The following FGL1 variants were observed in gnomAD, a reference collection of about 807,000 sequenced individuals.
FGL1 encodes the protein fibrinogen-like protein 1.
In FGL1, 59 loss-of-function variants were observed where a neutral mutation model predicts 43.7. The ratio of observed to expected loss-of-function variants is 1.35; its 90% confidence interval spans 1.10 to 1.68. FGL1 has a LOEUF of 1.68. FGL1 is among the 40% of genes most tolerant of loss of function. FGL1 has a pLI of 0.00. For missense variants in FGL1, 596 were observed against 373.0 expected (o/e 1.60, Z -4.92); for synonymous variants, 192 against 126.5 (o/e 1.52, Z -3.48).
Position 17,868,742 on chromosome 8 carries a change from A to T in FGL1, c.592-7T>A, listed in dbSNP as rs1482402073. 1.2e-6 allele frequency: 2 copies of T among 1,605,848 alleles called. No individual in the cohort carries two copies. The highest frequency in any genetic ancestry group is 1.3e-5 in the African/African-American group (1 of 74,680). On this transcript the variant is annotated splice_polypyrimidine_tract_variant and splice_region_variant and intron_variant, in intron 6 of 7. Coordinates refer to ENST00000427924, the MANE Select transcript of FGL1 (RefSeq NM_004467.4). ...TATTCAACTCGTAGAAATTCTAAAG[A>T]AAAAGGGCATTTCTGCTGTCAGTGG...
rs2053415095 is a variant in FGL1, at chr8:17,874,494, T to C, written c.272A>G (p.Tyr91Cys). 9.9e-6 allele frequency: 16 copies of C among 1,609,160 alleles called. No individual in the cohort carries two copies. Among genetic ancestry groups the C allele is most frequent in the African/African-American group, 2.7e-5 (2 of 74,746 alleles). The part of the protein sequence containing the change: ...ADCSEIFNDG[Y>C]KLSGFYKIKP... ...GATTTTGTAAAATCCACTGAGCTTA[T>C]ACCCATCATTGAAAATCTCTGAACA... The change falls in exon 4 of 8, where the codon TAT becomes TGT. Residue 91 changes from tyrosine to cysteine, a missense_variant. Coordinates refer to ENST00000427924, the MANE Select transcript of FGL1 (RefSeq NM_004467.4).
rs112317197 is a variant in FGL1 at position 17,887,857 on chromosome 8, A to T, written c.-17-2286T>A. ...CTCAAAAAAAAAAAAAAGTATCTCT[A>T]GACCCATTTTTCCATTAAAGTTATC... On this transcript the variant is annotated intron_variant, in intron 1 of 7. Coordinates refer to ENST00000427924, the MANE Select transcript of FGL1 (RefSeq NM_004467.4). Among the ~76,000 whole-genome samples, 3 of 152,000 alleles carry T rather than the reference A, an allele frequency of 2.0e-5. 1 individual carries two copies. Among genetic ancestry groups the T allele is most frequent in the African/African-American group, 7.2e-5 (3 of 41,498 alleles).
At position 17,885,547 on chromosome 8, in the gene FGL1, T is replaced by G; in HGVS notation, c.8A>C (p.Lys3Thr). 6.2e-7 allele frequency: 1 copy of G among 1,613,670 alleles called. No homozygotes were observed. Among genetic ancestry groups the G allele is most frequent in the Non-Finnish European group, 8.5e-7 (1 of 1,179,778 alleles). The stretch of plus-strand genomic sequence containing the variant: ...GGTAACAAGGATGAAACTGAACACC[T>G]TTGCCATGTTCCCCCTTGAAAAAAC... MA[K>T]VFSFILVTTA... The change falls in exon 2 of 8, where the codon AAG becomes ACG. Residue 3 changes from lysine (K) to threonine (T), a missense_variant. Coordinates refer to ENST00000427924, the MANE Select transcript of FGL1 (RefSeq NM_004467.4).
At chr8:17,874,554 T>G in intron 3 of FGL1, 33 bp from the exon 4 acceptor site, 1 of 1,573,392 alleles carries the variant, frequency 6.4e-7, no homozygotes, top group South Asian at 1.2e-5. Flanking sequence ...TAACATTCAT[T>G]ATGTGTCTTT....
chr8:17,872,333 T>A (rs1035044736), intron 5 of FGL1, among the ~76,000 whole-genome samples: 1 of 150,676 alleles, frequency 6.6e-6, no homozygotes, highest in Admixed American at 6.6e-5. Flanking sequence ...GACAGAGTCT[T>A]GCTCTGTCAC....
At chr8:17,880,158 G>A (rs1271102427) in intron 3 of FGL1, among the ~76,000 whole-genome samples, 3 of 152,144 alleles carry the variant, frequency 2.0e-5, no homozygotes, top group Admixed American at 6.6e-5. Flanking sequence ...CCCCACTACT[G>A]CAGACCACTG....
At chr8:17,884,993 T>TA (rs2053606176) in intron 2 of FGL1, among the ~76,000 whole-genome samples, 1 of 152,086 alleles carries the variant, frequency 6.6e-6, no homozygotes, top group Non-Finnish European at 1.5e-5. Flanking sequence ...AGTGAATTTT[T>TA]AAAAATTACT....
intron 3 of FGL1, 90 bp from the exon 4 acceptor site, chr8:17,874,611 A>G (rs1184887390): frequency 4.4e-6 from 4 of 918,558 alleles, no homozygotes; most frequent in Non-Finnish European, 6.5e-6. Flanking sequence ...ACTCAGTATC[A>G]CTGGAGACAG....
chr8:17,885,401 A>G, intron 2 of FGL1, 91 bp downstream of exon 2: 1 of 1,091,694 alleles, frequency 9.2e-7, no homozygotes, highest in Non-Finnish European at 1.4e-6. Context: ...TTTTTCAATG[A>G]CAAGTCACTA....
At chr8:17,866,173 T>C (rs770148817) in intron 7 of FGL1, among the ~76,000 whole-genome samples, 1 of 152,210 alleles carries the variant, frequency 6.6e-6, no homozygotes, top group African/African-American at 2.4e-5. Flanking sequence ...ATAAGAAACC[T>C]TCACTATTCT....
At chr8:17,881,746 A>C (rs1420614240) in intron 3 of FGL1, among the ~76,000 whole-genome samples, 2 of 151,020 alleles carry the variant, frequency 1.3e-5, no homozygotes, top group Non-Finnish European at 2.9e-5. Context: ...AGGCAGGAGA[A>C]TGGTGTGAAC....
At chr8:17,891,615 C>G in intron 1 of FGL1, 1 of 906,164 alleles carries the variant, frequency 1.1e-6, no homozygotes, top group South Asian at 5.1e-5. Flanking sequence ...TTTGGGGGCA[C>G]AGCTGAACCT....
At position 17,868,572 on chromosome 8, in the gene FGL1, T is replaced by C. The variant is rs141602112; in HGVS notation, c.755A>G (p.Asp252Gly). 4.6e-4 allele frequency: 739 copies of C among 1,612,666 alleles called. No homozygotes were observed. Among genetic ancestry groups the C allele is most frequent in the Admixed American group, 7.2e-4 (43 of 59,594 alleles). Residue 252 changes from aspartate to glycine, a missense_variant, in exon 7 of 8, where the codon GAT (aspartate) becomes GGT (glycine). By Grantham distance (94) the Asp-to-Gly change is moderately conservative. Transcript: ENST00000427924. Reference protein sequence around the residue: ...DNYEGNCAEEDQSGWWFNRCH... With the variant: ...DNYEGNCAEEGQSGWWFNRCH... ...CCTGTTAAACCACCAGCCAGACTGA[T>C]CTTCTTCTGCGCAGTTCCCTTCATA... is the stretch of plus-strand genomic sequence containing the variant.
chr8:17,880,996 C>T (rs769923256), intron 3 of FGL1, among the ~76,000 whole-genome samples: 20 of 152,044 alleles, frequency 1.3e-4, no homozygotes, highest in African/African-American at 4.3e-4. Flanking sequence ...TTTTTCTGCT[C>T]CTTTATTTTT....
intron 1 of FGL1, chr8:17,885,797 T>G: frequency 2.1e-6 from 1 of 481,694 alleles, no homozygotes; most frequent in Non-Finnish European, 3.7e-6. Flanking sequence ...GAGGAAGGAC[T>G]CTGGTTCTTT....
intron 5 of FGL1, among the ~76,000 whole-genome samples, chr8:17,872,711 C>CA (rs1256914803): frequency 1.3e-5 from 2 of 152,136 alleles, no homozygotes; most frequent in East Asian, 3.8e-4. Flanking sequence ...ATGATAATCT[C>CA]AGACTACAAC....
chr8:17,883,277 ATATAT>A (rs2053576256), intron 2 of FGL1, among the ~76,000 whole-genome samples: 1 of 87,330 alleles, frequency 1.1e-5, no homozygotes, highest in Non-Finnish European at 1.8e-5. Context: ...ATATTAAATA[ATATAT>A]CATATATATC....
Position 17,868,748 on chromosome 8 carries a change from G to A in FGL1, c.592-13C>T, listed in dbSNP as rs764383676. 8.7e-6 allele frequency: 14 copies of A among 1,603,934 alleles called. 1 individual carries two copies. Among genetic ancestry groups the A allele is most frequent in the Middle Eastern group, 1.7e-4 (1 of 5,994 alleles). ...ACTCGTAGAAATTCTAAAGAAAAAG[G>A]GCATTTCTGCTGTCAGTGGAGTTCC... On this transcript the variant is annotated splice_polypyrimidine_tract_variant and intron_variant, in intron 6 of 7. Transcript: ENST00000427924.
At chr8:17,874,188 C>T (rs2053408391) in intron 4 of FGL1, 72 bp from the exon 5 acceptor site, 5 of 1,351,852 alleles carry the variant, frequency 3.7e-6, no homozygotes, top group Admixed American at 3.9e-5. Flanking sequence ...CCACCCACCC[C>T]CTGCTACCAC....
Sources: allele counts gnomAD v4.1 joint callset (sites outside exome capture counted in the v4.1 genomes callset), GRCh38; gene constraint gnomAD v4.1.1; transcripts MANE v1.5; gene names NCBI Gene and HGNC (gene_info 2026-07-23, HGNC 2026-07-21).